The following FERMT2 variants were observed in gnomAD, a reference collection of about 807,000 sequenced individuals.
The protein encoded by FERMT2 is fermitin family homolog 2.
Under a neutral mutation model 82.7 loss-of-function variants are expected in FERMT2, and 15 were observed. The observed-to-expected ratio is 0.18, with a 90% CI of 0.12 to 0.28. The LOEUF (loss-of-function observed/expected upper bound fraction) is 0.28. Ranked by LOEUF, FERMT2 falls within the 10% of genes least tolerant of loss-of-function variation. The pLI, the probability that FERMT2 is intolerant of heterozygous loss-of-function variation, is 1.00. For missense variants in FERMT2, 645 were observed against 809.4 expected, an observed-to-expected ratio of 0.80 and a Z score of 2.46; for synonymous variants, 274 against 271.5, an observed-to-expected ratio of 1.01 and a Z score of -0.09.
intron 10 of FERMT2, among the ~76,000 whole-genome samples, chr14:52,870,458 A>C (rs1885549683): frequency 6.6e-6 from 1 of 152,148 alleles, no homozygotes; most frequent in African/African-American, 2.4e-5. Flanking sequence ...CATGTTGGTC[A>C]GGCTGGTCTC....
At chr14:52,942,530 C>CT (rs1281457739) in intron 2 of FERMT2, among the ~76,000 whole-genome samples, 6 of 152,010 alleles carry the variant, frequency 3.9e-5, no homozygotes, top group African/African-American at 1.4e-4. Flanking sequence ...TCTTGATCTC[C>CT]TGACCTCGTG....
At chr14:52,873,486 T>C (rs183220395) in intron 9 of FERMT2, among the ~76,000 whole-genome samples, 2 of 152,166 alleles carry the variant, frequency 1.3e-5, no homozygotes, top group African/African-American at 4.8e-5. Context: ...AAGGTGCAGG[T>C]AGATGAGAAA....
intron 4 of FERMT2, among the ~76,000 whole-genome samples, chr14:52,892,455 T>TGTTTTTTG (rs1555369017): frequency 6.2e-5 from 3 of 48,280 alleles, no homozygotes; most frequent in African/African-American, 1.2e-4. Flanking sequence ...TGCTGTTTTT[T>TGTTTTTTG]GTTTTTTTTT....
chr14:52,859,912 G>T, intron 13 of FERMT2, 198 bp from the exon 14 acceptor site: 1 of 335,474 alleles, frequency 3.0e-6, no homozygotes, highest in East Asian at 5.0e-5. Context: ...CCGCCTCCTG[G>T]GTTCACGCCA....
At chr14:52,888,002 T>C (rs1306381392) in intron 4 of FERMT2, among the ~76,000 whole-genome samples, 3 of 152,192 alleles carry the variant, frequency 2.0e-5, no homozygotes, top group African/African-American at 7.2e-5. Flanking sequence ...ATAATACTTA[T>C]AACTTATTTA....
chr14:52,904,900 G>A (rs1284600178), intron 3 of FERMT2, among the ~76,000 whole-genome samples: 3 of 151,882 alleles, frequency 2.0e-5, no homozygotes, highest in Admixed American at 6.6e-5. Context: ...AAAGAAGAAA[G>A]GGTTGAGGCC....
intron 2 of FERMT2, among the ~76,000 whole-genome samples, chr14:52,946,895 A>G (rs1249089424): frequency 6.6e-6 from 1 of 151,976 alleles, no homozygotes; most frequent in Non-Finnish European, 1.5e-5. Context: ...CTGGTCTCGA[A>G]GTCCTGACCT....
intron 2 of FERMT2, among the ~76,000 whole-genome samples, chr14:52,925,130 A>T (rs918170150): frequency 2.6e-5 from 4 of 152,202 alleles, no homozygotes; most frequent in African/African-American, 9.6e-5. Context: ...CTATCACAAG[A>T]ACATACCTAT....
chr14:52,932,351 T>C (rs1889630234), intron 2 of FERMT2, among the ~76,000 whole-genome samples: 1 of 152,156 alleles, frequency 6.6e-6, no homozygotes, highest in Non-Finnish European at 1.5e-5. Context: ...ATCCTGCACA[T>C]CTCTTAAGGA....
chr14:52,905,104 G>A (rs185832736), intron 3 of FERMT2, among the ~76,000 whole-genome samples: 164 of 150,832 alleles, frequency 1.1e-3, no homozygotes, highest in Admixed American at 3.4e-3. Context: ...CAGGAGAATC[G>A]CTTGAACCGG....
intron 3 of FERMT2, among the ~76,000 whole-genome samples, chr14:52,905,699 T>G (rs1887965684): frequency 6.6e-6 from 1 of 152,152 alleles, no homozygotes; most frequent in African/African-American, 2.4e-5. Flanking sequence ...GTACCTGGGA[T>G]GGAAGAGCCT....
At chr14:52,858,625 C>T in intron 14 of FERMT2, 75 bp from the exon 15 acceptor site, 8 of 1,369,538 alleles carry the variant, frequency 5.8e-6, no homozygotes, top group Non-Finnish European at 8.1e-6. Context: ...TACTGTGCTA[C>T]TTAAAGTCTG....
intron 4 of FERMT2, among the ~76,000 whole-genome samples, chr14:52,891,361 C>A (rs1886924301): frequency 6.6e-6 from 1 of 152,258 alleles, no homozygotes; most frequent in East Asian, 1.9e-4. Flanking sequence ...TTATATATTA[C>A]CTCCTTAAGT....
intron 2 of FERMT2, among the ~76,000 whole-genome samples, chr14:52,929,261 T>C (rs1183095586): frequency 6.6e-6 from 1 of 152,140 alleles, no homozygotes; most frequent in African/African-American, 2.4e-5. Flanking sequence ...TCAAATCCAC[T>C]TCCAAAAATC....
At chr14:52,874,480 T>C (rs1212084152) in intron 8 of FERMT2, among the ~76,000 whole-genome samples, 2 of 152,220 alleles carry the variant, frequency 1.3e-5, no homozygotes, top group African/African-American at 4.8e-5. Flanking sequence ...CATGAGAATA[T>C]GCTATCTTTA....
chr14:52,858,151 T>G lies in FERMT2; in HGVS notation c.*226A>C. On this transcript the variant is annotated 3_prime_UTR_variant, in exon 15 of 15. Transcript: ENST00000341590. Reference sequence around the variant, plus strand: ...TTTGCCCACTATTTCAGTTTTCAATTCATGGCCCTAAGGAATGTGTGACAA... The same window carrying G: ...TTTGCCCACTATTTCAGTTTTCAATGCATGGCCCTAAGGAATGTGTGACAA... 2.1e-6 allele frequency: 1 copy of G among 473,570 alleles called. No individual in the cohort carries two copies. Among genetic ancestry groups the G allele is most frequent in the Non-Finnish European group, 3.8e-6 (1 of 263,610 alleles). The allele number at this position is 473,570 out of a possible 1,614,324, so 29.3% of individuals were successfully genotyped here. A position where few individuals can be genotyped will look rare whatever the true frequency, so the allele number is the denominator to read the frequency against.
chr14:52,878,909 CATT>C (rs1195514179), intron 6 of FERMT2, among the ~76,000 whole-genome samples: 2 of 152,056 alleles, frequency 1.3e-5, no homozygotes, highest in Non-Finnish European at 2.9e-5. Flanking sequence ...TTAAAAATGA[CATT>C]AAAATATGAC....
At chr14:52,930,725 G>C (rs534016353) in intron 2 of FERMT2, among the ~76,000 whole-genome samples, 2 of 152,290 alleles carry the variant, frequency 1.3e-5, no homozygotes, top group African/African-American at 4.8e-5. Flanking sequence ...CAATAGAAGA[G>C]TTTTTAACTT....
In FERMT2 at chr14:52,893,356, GCTT is replaced by G. The variant is rs763015615; in HGVS notation, c.460_462del (p.Lys154del). The G allele has an allele frequency of 9.7e-5, 156 of 1,612,612 alleles. No individual in the cohort carries two copies. The highest frequency in any genetic ancestry group is 1.3e-4 in the Non-Finnish European group (149 of 1,179,346). On this transcript the variant is annotated inframe_deletion, in exon 4 of 15. Coordinates refer to ENST00000341590, the MANE Select transcript of FERMT2 (RefSeq NM_006832.3). ...GCCTCATCTTCAGACTGGTCATCTA[GCTT>G]CTTCTTTTTTTTCTTTGTTGGATCT... is the stretch of plus-strand genomic sequence containing the variant.
Sources: allele counts gnomAD v4.1 joint callset (sites outside exome capture counted in the v4.1 genomes callset), GRCh38; gene constraint gnomAD v4.1.1; transcripts MANE v1.5; gene names NCBI Gene and HGNC (gene_info 2026-07-23, HGNC 2026-07-21).